Variants in PCSK2 observed in about 807,000 individuals in gnomAD.
The protein encoded by PCSK2 is neuroendocrine convertase 2.
Under a neutral mutation model 69.7 loss-of-function variants are expected in PCSK2, and 14 were observed. The ratio of observed to expected loss-of-function variants is 0.20; its 90% CI spans 0.13 to 0.31. The LOEUF is 0.31. PCSK2 is among the 10% of genes least tolerant of loss of function. PCSK2 has a pLI of 1.00. For synonymous variants in PCSK2, 307 were observed against 320.7 expected (o/e 0.96, Z 0.46); for missense variants, 544 against 842.5 (o/e 0.65, Z 4.39).
intron 2 of PCSK2, among the ~76,000 whole-genome samples, chr20:17,333,740 C>A (rs1990264004): frequency 6.6e-6 from 1 of 151,814 alleles, no homozygotes; most frequent in Admixed American, 6.6e-5. Context: ...CACTTTCTAC[C>A]TGTGTGACCT....
chr20:17,479,149 G>C, intron 11 of PCSK2: 1 of 1,375,648 alleles, frequency 7.3e-7, no homozygotes, highest in Non-Finnish European at 1.0e-6. Flanking sequence ...CCATCTTACG[G>C]TACAGGTTCC....
At chr20:17,309,063 C>T (rs367917002) in intron 2 of PCSK2, among the ~76,000 whole-genome samples, 5 of 152,094 alleles carry the variant, frequency 3.3e-5, no homozygotes, top group Non-Finnish European at 7.4e-5. Flanking sequence ...ATGAAGTAGA[C>T]GGAGCAGTGG....
intron 11 of PCSK2, among the ~76,000 whole-genome samples, 196 bp from the exon 12 acceptor site, chr20:17,481,388 C>G (rs1029982777): frequency 1.5e-5 from 1 of 65,724 alleles, no homozygotes; most frequent in African/African-American, 7.6e-5. Flanking sequence ...TCTCAAAAGA[C>G]AAAAAAAAAA....
chr20:17,450,361 G>T (rs528007307), intron 8 of PCSK2, among the ~76,000 whole-genome samples: 2 of 152,274 alleles, frequency 1.3e-5, no homozygotes, highest in South Asian at 4.1e-4. Context: ...TGTGGCCAGT[G>T]TAAATGGGGC....
At chr20:17,430,605 A>C (rs981017441) in intron 7 of PCSK2, among the ~76,000 whole-genome samples, 5 of 152,192 alleles carry the variant, frequency 3.3e-5, no homozygotes, top group African/African-American at 1.2e-4. Context: ...CTAAAATGTA[A>C]ATAGAGGAGG....
intron 8 of PCSK2, among the ~76,000 whole-genome samples, chr20:17,442,527 C>T (rs2032618449): frequency 6.6e-6 from 1 of 152,118 alleles, no homozygotes. Flanking sequence ...TGCTTTACAG[C>T]CAAGATGGTC....
chr20:17,318,030 TG>T (rs1212507429), intron 2 of PCSK2, among the ~76,000 whole-genome samples: 86 of 152,384 alleles, frequency 5.6e-4, no homozygotes, highest in African/African-American at 2.0e-3. Context: ...AAATTTGTTT[TG>T]ATGTGTCAGT....
Position 17,299,895 on chromosome 20 carries a change from T to A in PCSK2, c.282+39551T>A, listed in dbSNP as rs75950683. Among the ~76,000 whole-genome samples, 756 of 152,344 alleles carry A rather than the reference T, an allele frequency of 5.0e-3. 6 individuals are homozygous for A. The highest frequency in any genetic ancestry group is 0.023 in the East Asian group (120 of 5,180). Reference sequence around the variant, plus strand: ...ACACTCTTTCCCCTATCCCTTGCTATATGTCTATTTTGGTGAAAAGCATTG... The same window carrying A: ...ACACTCTTTCCCCTATCCCTTGCTAAATGTCTATTTTGGTGAAAAGCATTG... On this transcript the variant is annotated intron_variant, in intron 2 of 11. Coordinates refer to ENST00000262545, the MANE Select transcript of PCSK2 (RefSeq NM_002594.5).
At chr20:17,319,134 T>TA (rs1170979825) in intron 2 of PCSK2, among the ~76,000 whole-genome samples, 2 of 152,238 alleles carry the variant, frequency 1.3e-5, no homozygotes, top group Non-Finnish European at 2.9e-5. Context: ...ACTTTTTTTT[T>TA]ATACCTGGGC....
chr20:17,414,687 A>C (rs915915527), intron 6 of PCSK2, among the ~76,000 whole-genome samples: 1 of 152,234 alleles, frequency 6.6e-6, no homozygotes, highest in Non-Finnish European at 1.5e-5. Context: ...TCATTTTATG[A>C]GGCCAGCATC....
intron 2 of PCSK2, among the ~76,000 whole-genome samples, chr20:17,302,139 G>A (rs1278676195): frequency 1.3e-5 from 2 of 152,030 alleles, no homozygotes; most frequent in East Asian, 3.9e-4. Context: ...CCCAGGCCTT[G>A]AGAAAACAAG....
intron 11 of PCSK2, among the ~76,000 whole-genome samples, chr20:17,477,731 C>T (rs938548403): frequency 1.3e-5 from 2 of 152,032 alleles, no homozygotes; most frequent in African/African-American, 4.8e-5. Context: ...AAGTTTATTC[C>T]TCTCCAAAAT....
At chr20:17,252,415 C>T (rs900374649) in intron 1 of PCSK2, among the ~76,000 whole-genome samples, 8 of 152,204 alleles carry the variant, frequency 5.3e-5, no homozygotes, top group African/African-American at 1.9e-4. Context: ...TTGTGAATAA[C>T]TCTGCTACAG....
At chr20:17,243,651 G>A (rs544464842) in intron 1 of PCSK2, among the ~76,000 whole-genome samples, 3 of 152,162 alleles carry the variant, frequency 2.0e-5, no homozygotes, top group African/African-American at 2.4e-5. Flanking sequence ...TCACTATTAC[G>A]TAGGTGAGAC....
intron 7 of PCSK2, among the ~76,000 whole-genome samples, chr20:17,431,111 G>T (rs771633782): frequency 1.1e-4 from 16 of 152,122 alleles, no homozygotes; most frequent in Non-Finnish European, 2.2e-4. Context: ...TGTGGGAGGT[G>T]GTCCCCGGAA....
intron 6 of PCSK2, among the ~76,000 whole-genome samples, chr20:17,420,670 A>G (rs539108606): frequency 1.4e-4 from 22 of 152,364 alleles, no homozygotes; most frequent in African/African-American, 5.1e-4. Context: ...TGTACATGCC[A>G]TATAGAGATT....
At chr20:17,342,346 C>G (rs1300796237) in intron 2 of PCSK2, among the ~76,000 whole-genome samples, 1 of 152,182 alleles carries the variant, frequency 6.6e-6, no homozygotes, top group Non-Finnish European at 1.5e-5. Context: ...GTGACAGAGT[C>G]CTTCTCTGTC....
At chr20:17,347,820 GAAA>G (rs1568611988) in intron 2 of PCSK2, among the ~76,000 whole-genome samples, 40 of 127,466 alleles carry the variant, frequency 3.1e-4, no homozygotes, top group African/African-American at 1.2e-3. Context: ...AAGAAAGAAA[GAAA>G]GAAAGAAAGA....
chr20:17,411,824 G>T (rs562367268), intron 6 of PCSK2, among the ~76,000 whole-genome samples: 13 of 152,346 alleles, frequency 8.5e-5, no homozygotes, highest in African/African-American at 3.1e-4. Context: ...CAAGAGGAAA[G>T]ATCAGGCAGC....
Sources: gnomAD v4.1 joint callset for allele counts (sites outside exome capture counted in the v4.1 genomes callset) on GRCh38, gnomAD v4.1.1 for gene constraint, MANE v1.5 for transcripts, NCBI Gene and HGNC (gene_info 2026-07-23, HGNC 2026-07-21) for gene names.